The following SIM2 variants were observed in gnomAD, a reference collection of about 807,000 sequenced individuals.
The protein encoded by SIM2 is SIM bHLH transcription factor 2, also known as single-minded homolog 2.
SIM2 carries 28 observed loss-of-function variants against 64.8 expected under a neutral mutation model. That is an observed-to-expected ratio of 0.43 (90% CI 0.32 to 0.59). SIM2 has a LOEUF of 0.59. SIM2 is among the 20% of genes least tolerant of loss of function. The pLI, the probability that SIM2 is intolerant of heterozygous loss-of-function variation, is 0.07. For synonymous variants in SIM2, 408 were observed against 391.1 expected, an observed-to-expected ratio of 1.04 and a Z score of -0.51; for missense variants, 847 against 871.4, an observed-to-expected ratio of 0.97 and a Z score of 0.35.
chr21:36,747,822 C>G lies in SIM2; in HGVS notation c.1734C>G (p.Pro578=), dbSNP rs900212555. ...GGCTGGCGCTGGCCCGCGCGGCACCCGAGTGCTGCGCGCCCCCGACCCCCG... is the reference window on the plus strand; with the variant it reads ...GGCTGGCGCTGGCCCGCGCGGCACCGGAGTGCTGCGCGCCCCCGACCCCCG... ...GARLALARAA[P]ECCAPPTPEA... The change falls in exon 11 of 11, where the codon CCC becomes CCG. Residue 578 remains proline, a synonymous_variant. Transcript: ENST00000290399. This position sits in a 1 kb window ranked among gnomAD's most constrained non-coding sequence, Gnocchi z 4.5. 30 of 1,036,418 alleles carry G rather than the reference C, an allele frequency of 2.9e-5. No homozygotes were observed. The highest frequency in any genetic ancestry group is 3.0e-5 in the Non-Finnish European group (26 of 866,064). The allele number at this position is 1,036,418 out of a possible 1,614,324, so 64.2% of individuals were successfully genotyped here.
intron 2 of SIM2, chr21:36,709,465 C>T (rs758540637): frequency 1.5e-6 from 1 of 684,312 alleles, no homozygotes; most frequent in South Asian, 1.5e-5. Flanking sequence ...CGTCTGCCCC[C>T]ACACCCCGCC....
chr21:36,744,420 TAAAG>T (rs944780316), intron 9 of SIM2, among the ~76,000 whole-genome samples: 16 of 133,826 alleles, frequency 1.2e-4, no homozygotes, highest in South Asian at 2.5e-4. Flanking sequence ...AAAAAAGAAA[TAAAG>T]AAAGAAAGAA....
At chr21:36,701,342 C>T (rs913023763) in intron 1 of SIM2, 3 of 152,588 alleles carry the variant, frequency 2.0e-5, no homozygotes, top group Non-Finnish European at 4.4e-5. Flanking sequence ...TTGCGTTCGC[C>T]TCTGCCAAGC....
intron 8 of SIM2, among the ~76,000 whole-genome samples, chr21:36,742,713 G>A (rs961437268): frequency 4.6e-5 from 7 of 152,286 alleles, no homozygotes; most frequent in African/African-American, 1.4e-4. Flanking sequence ...AAGAGTTCTC[G>A]TTTGCACTTT....
chr21:36,743,850 G>A (rs1187319172), intron 9 of SIM2, among the ~76,000 whole-genome samples: 1 of 152,244 alleles, frequency 6.6e-6, no homozygotes, highest in Non-Finnish European at 1.5e-5. Flanking sequence ...CCACGGGTTA[G>A]ATTCTAGACT....
chr21:36,739,979 A>G (rs947404123), intron 7 of SIM2, among the ~76,000 whole-genome samples: 2 of 147,804 alleles, frequency 1.4e-5, no homozygotes, highest in East Asian at 2.0e-4. Flanking sequence ...AAAAAAAAAA[A>G]AGAGAAAGAA....
At chr21:36,703,978 C>T (rs877382) in intron 1 of SIM2, among the ~76,000 whole-genome samples, 119,667 of 152,234 alleles carry the variant, frequency 0.79, 47,809 homozygotes, top group African/African-American at 0.94. Context: ...CTCAGCTCAG[C>T]AGTGAAGTTG....
At position 36,720,011 on chromosome 21, in the gene SIM2, C is replaced by T. The variant is rs115685897; in HGVS notation, c.457+82C>T. 2,307 of 1,000,700 alleles carry T rather than the reference C, an allele frequency of 2.3e-3. 37 individuals carry two copies. The African/African-American group carries it at 0.033, about 14-fold the overall frequency. 62.0% of individuals were successfully genotyped at this position (1,000,700 alleles called of 1,614,324 possible). Reference sequence around the variant, plus strand: ...ATGGAACTCAGGGCTTTGCTTCCCACATCTGCCAAGTGGCTGGGCATGACT... The same window carrying T: ...ATGGAACTCAGGGCTTTGCTTCCCATATCTGCCAAGTGGCTGGGCATGACT... On this transcript the variant is annotated intron_variant, in intron 4 of 10. Transcript: ENST00000290399.
rs78361542 is a variant in SIM2, at chr21:36,723,277, T to C, written c.543+147T>C. Reference sequence around the variant, plus strand: ...CTCCAGCAACGTGGTGCACAGTCTCTTGGAGGCTCATGTGAGAGCTGGTGT... The same window carrying C: ...CTCCAGCAACGTGGTGCACAGTCTCCTGGAGGCTCATGTGAGAGCTGGTGT... On this transcript the variant is annotated intron_variant, in intron 5 of 10. Coordinates refer to ENST00000290399, the MANE Select transcript of SIM2 (RefSeq NM_005069.6). 2.2e-3 allele frequency: 1,435 copies of C among 664,320 alleles called. 14 individuals are homozygous for C. Among genetic ancestry groups the C allele is most frequent in the African/African-American group, 0.021 (1,180 of 56,180 alleles). The allele number at this position is 664,320 out of a possible 1,614,324, so 41.2% of individuals were successfully genotyped here.
chr21:36,712,098 A>G (rs1247106896), intron 2 of SIM2, among the ~76,000 whole-genome samples: 2 of 152,234 alleles, frequency 1.3e-5, no homozygotes, highest in African/African-American at 2.4e-5. Context: ...ATTGTGGCAA[A>G]TAAAGCATAT....
intron 7 of SIM2, among the ~76,000 whole-genome samples, chr21:36,733,083 C>T (rs139399216): frequency 6.6e-6 from 1 of 152,120 alleles, no homozygotes; most frequent in Non-Finnish European, 1.5e-5. Flanking sequence ...GGGTCTGGAG[C>T]CCCCTTCCAT....
In SIM2 at chr21:36,743,411, G is replaced by A; in HGVS notation, c.1023G>A (p.Gln341=). 1 of 1,613,532 alleles carries A rather than the reference G, an allele frequency of 6.2e-7. No homozygotes were observed. The highest frequency in any genetic ancestry group is 8.5e-7 in the Non-Finnish European group (1 of 1,179,780). Residue 341 remains glutamine, a synonymous_variant, in exon 9 of 11, where the codon CAG becomes CAA. Coordinates refer to ENST00000290399, the MANE Select transcript of SIM2 (RefSeq NM_005069.6). ...GGGAGATTGAATACAAGGAACTTCAGCTGTCCCTGGAGCAGGTGTCCACTG... is the reference window on the plus strand; with the variant it reads ...GGGAGATTGAATACAAGGAACTTCAACTGTCCCTGGAGCAGGTGTCCACTG... ...VLTEIEYKEL[Q]LSLEQVSTAK... is the part of the protein sequence containing the mutation.
intron 7 of SIM2, among the ~76,000 whole-genome samples, chr21:36,737,466 A>T (rs1316655642): frequency 6.6e-6 from 1 of 152,086 alleles, no homozygotes; most frequent in Non-Finnish European, 1.5e-5. Context: ...CCAGACCCTC[A>T]GGGGGGGCTG....
Position 36,743,620 on chromosome 21 carries a change from C to T in SIM2, c.1167+65C>T, listed in dbSNP as rs888302224. The T allele has an allele frequency of 1.2e-5, 17 of 1,444,316 alleles. No homozygotes were observed. The African/African-American group carries it at 2.1e-4, about 18-fold the overall frequency. 89.5% of individuals were successfully genotyped at this position (1,444,316 alleles called of 1,614,324 possible). On this transcript the variant is annotated intron_variant, in intron 9 of 10. Transcript: ENST00000290399. ...ATCCTAGGGGTTCGGGACACCTGGACACATTAAGGAATGGGGAGCCTCTCA... is the reference window on the plus strand; with the variant it reads ...ATCCTAGGGGTTCGGGACACCTGGATACATTAAGGAATGGGGAGCCTCTCA...
chr21:36,740,662 C>T (rs556472207), intron 7 of SIM2, among the ~76,000 whole-genome samples: 240 of 152,246 alleles, frequency 1.6e-3, no homozygotes, highest in Non-Finnish European at 2.4e-3. Flanking sequence ...CTTTGCCCAG[C>T]GGTATGACAG....
rs138136486 is a variant in SIM2 at position 36,719,895 on chromosome 21, G to A, written c.423G>A (p.Thr141=). Residue 141 remains threonine, a synonymous_variant, in exon 4 of 11, where the codon ACG becomes ACA. Coordinates refer to ENST00000290399, the MANE Select transcript of SIM2 (RefSeq NM_005069.6). ...SDHDEMTAVL[T]AHQPLHHHLL... ...ACGATGAGATGACCGCTGTCCTCAC[G>A]GCCCACCAGCCGCTGCACCACCACC... 38 of 1,612,708 alleles carry A rather than the reference G, an allele frequency of 2.4e-5. No individual in the cohort carries two copies. The East Asian group carries it at 3.8e-4, about 16-fold the overall frequency.
At chr21:36,736,272 C>T (rs552158429) in intron 7 of SIM2, among the ~76,000 whole-genome samples, 178 of 152,110 alleles carry the variant, frequency 1.2e-3, no homozygotes, top group Non-Finnish European at 1.6e-3. Flanking sequence ...AGCCAGGACC[C>T]GAGTGAGGTC....
rs189938535 is a variant in SIM2 at position 36,747,781 on chromosome 21, G to T, written c.1693G>T (p.Ala565Ser). Residue 565 changes from alanine (A) to serine (S), a missense_variant, in exon 11 of 11, where the codon GCC (alanine) becomes TCC (serine). Physicochemically the swap from Ala to Ser is moderately conservative, Grantham distance 99 (BLOSUM62 1). This residue lies in a region of SIM2 where 447 missense variants were observed against 414.6 expected (regional missense o/e 1.08). Transcript: ENST00000290399. This position sits in a 1 kb window ranked among gnomAD's most constrained non-coding sequence, Gnocchi z 4.5. ...CCCGGCCAAAGCCGCCCGCCAGGCC[G>T]CCCGGGACGGGGCGCGGCTGGCGCT... ...LGPAKAARQA[A>S]RDGARLALAR... The T allele has an allele frequency of 1.4e-3, 1,580 of 1,096,266 alleles. 25 individuals are homozygous for T. In the African/African-American group the frequency reaches 0.024, roughly 17 times the overall value. 67.9% of individuals were successfully genotyped at this position (1,096,266 alleles called of 1,614,324 possible).
rs558849249 is a variant in SIM2 at position 36,699,973 on chromosome 21, C to T, written c.175+52C>T. 3 of 1,514,048 alleles carry T rather than the reference C, an allele frequency of 2.0e-6. No individual in the cohort carries two copies. The highest frequency in any genetic ancestry group is 2.6e-6 in the Non-Finnish European group (3 of 1,134,428). The allele number at this position is 1,514,048 out of a possible 1,614,324, so 93.8% of individuals were successfully genotyped here. A position where few individuals can be genotyped will look rare whatever the true frequency, so the allele number is the denominator to read the frequency against. On this transcript the variant is annotated intron_variant, in intron 1 of 10. Coordinates refer to ENST00000290399, the MANE Select transcript of SIM2 (RefSeq NM_005069.6). The surrounding 1 kb of genome is among the most constrained non-coding windows in gnomAD (Gnocchi z 5.6). ...ACGCTGGGGAGCCCGGCGGCCCCGG[C>T]CCAGGCGGGAAGCGCAAGCCAGCCC...
Sources: allele counts gnomAD v4.1 joint callset (sites outside exome capture counted in the v4.1 genomes callset), GRCh38; gene constraint gnomAD v4.1.1; regional missense constraint gnomAD v4.1.1; non-coding constraint Gnocchi (gnomAD v3.1); transcripts MANE v1.5; gene names NCBI Gene and HGNC (gene_info 2026-07-23, HGNC 2026-07-21).